ZNF385D: variants seen among roughly 807,000 people sequenced by gnomAD.
ZNF385D encodes the protein zinc finger protein 385D.
Under a neutral mutation model 35.8 loss-of-function variants are expected in ZNF385D, and 15 were observed. The observed-to-expected ratio is 0.42, with a 90% CI of 0.28 to 0.64. The LOEUF (loss-of-function observed/expected upper bound fraction) is 0.64. ZNF385D is among the 30% of genes least tolerant of loss of function. ZNF385D has a pLI of 0.23. For synonymous variants in ZNF385D, 212 were observed against 186.8 expected, an observed-to-expected ratio of 1.13 and a Z score of -1.10; for missense variants, 474 against 494.6, an observed-to-expected ratio of 0.96 and a Z score of 0.39.
In ZNF385D at chr3:22,109,642, G is replaced by T. The variant is rs961216121; in HGVS notation, c.325+59175C>A. Among the ~76,000 whole-genome samples the T allele has an allele frequency of 2.6e-5, 4 of 152,130 alleles. No individual in the cohort carries two copies. The South Asian group carries it at 6.2e-4, about 24-fold the overall frequency. On this transcript the variant is annotated intron_variant, in intron 3 of 5. Transcript: ENST00000494108. ...TGTGGGAGTCTAAGTCTCTTTCTAG[G>T]TCTCTAAGGACTTGCTTTATGAATC...
At chr3:21,440,659 G>A (rs531796323) in intron 4 of ZNF385D, among the ~76,000 whole-genome samples, 4 of 152,232 alleles carry the variant, frequency 2.6e-5, no homozygotes, top group Admixed American at 2.6e-4. Context: ...TTAACAATAA[G>A]AGAAGCTTGA....
Position 22,071,007 on chromosome 3 carries a change from T to A in ZNF385D, c.325+97810A>T, listed in dbSNP as rs145700589. Reference sequence around the variant, plus strand: ...CTGCCAAAATTGAAAGATTTTTACCTGTTCAGTTGCCAAATCTATGAAAAG... The same window carrying A: ...CTGCCAAAATTGAAAGATTTTTACCAGTTCAGTTGCCAAATCTATGAAAAG... On this transcript the variant is annotated intron_variant, in intron 3 of 5. Coordinates refer to the ZNF385D transcript ENST00000494108. Among the ~76,000 whole-genome samples the A allele has an allele frequency of 2.6e-5, 4 of 152,284 alleles. No individual in the cohort carries two copies. In the East Asian group the frequency reaches 7.7e-4, roughly 29 times the overall value.
intron 1 of ZNF385D, among the ~76,000 whole-genome samples, chr3:21,727,607 C>T (rs549905569): frequency 2.6e-5 from 4 of 152,092 alleles, no homozygotes; most frequent in African/African-American, 7.2e-5. Context: ...AAATCAAAAC[C>T]GCAATGAGAT....
chr3:22,084,030 G>A (rs1190835582), intron 3 of ZNF385D, among the ~76,000 whole-genome samples: 2 of 152,192 alleles, frequency 1.3e-5, no homozygotes, highest in South Asian at 2.1e-4. Flanking sequence ...ACAAGGAAAT[G>A]CTGAGAGATT....
intron 3 of ZNF385D, among the ~76,000 whole-genome samples, chr3:21,791,157 T>C (rs1413758586): frequency 1.3e-5 from 2 of 152,214 alleles, no homozygotes; most frequent in Admixed American, 6.5e-5. Flanking sequence ...ATAAGCTTTA[T>C]TGCATGTTTT....
intron 3 of ZNF385D, among the ~76,000 whole-genome samples, chr3:21,913,887 G>A (rs1408339771): frequency 2.0e-5 from 3 of 152,072 alleles, no homozygotes; most frequent in African/African-American, 4.8e-5. Flanking sequence ...ATTAGGCAAG[G>A]ATTTGTTGGT....
At chr3:22,010,935 A>G (rs1696532054) in intron 3 of ZNF385D, among the ~76,000 whole-genome samples, 1 of 152,146 alleles carries the variant, frequency 6.6e-6, no homozygotes, top group Non-Finnish European at 1.5e-5. Flanking sequence ...CATTGAAAAT[A>G]TCATCTACTC....
At chr3:22,333,533 TTC>T (rs1474475259) in intron 2 of ZNF385D, among the ~76,000 whole-genome samples, 2 of 152,164 alleles carry the variant, frequency 1.3e-5, no homozygotes, top group African/African-American at 4.8e-5. Context: ...TTCACTGAAC[TTC>T]TGTTGTCATC....
At chr3:21,439,332 A>C (rs1575146882) in intron 4 of ZNF385D, among the ~76,000 whole-genome samples, 1 of 148,682 alleles carries the variant, frequency 6.7e-6, no homozygotes, top group African/African-American at 2.5e-5. Flanking sequence ...TGGGAATGAT[A>C]CTCTTGGCCA....
chr3:21,884,533 T>G (rs1374290335), intron 3 of ZNF385D, among the ~76,000 whole-genome samples: 2 of 152,036 alleles, frequency 1.3e-5, no homozygotes, highest in African/African-American at 4.8e-5. Context: ...GTTCAGAAAT[T>G]GTATAAGCCA....
intron 3 of ZNF385D, among the ~76,000 whole-genome samples, chr3:21,871,133 G>T (rs899077244): frequency 6.6e-6 from 1 of 152,050 alleles, no homozygotes; most frequent in Non-Finnish European, 1.5e-5. Context: ...GCTTTATTCT[G>T]GCAGTATCGG....
chr3:21,836,987 A>G lies in ZNF385D; in HGVS notation c.326-171959T>C, dbSNP rs562211087. Among the ~76,000 whole-genome samples the G allele has an allele frequency of 1.6e-3, 248 of 152,206 alleles. 1 individual carries two copies. The highest frequency in any genetic ancestry group is 3.4e-3 in the Middle Eastern group (1 of 294). On this transcript the variant is annotated intron_variant, in intron 3 of 5. Transcript: ENST00000494108. ...ATATGAGAAATTTTTAAGGAGAAAC[A>G]TGAAACTTGTTTGAAATGCACTTTC... is the stretch of plus-strand genomic sequence containing the variant.
chr3:22,118,043 C>T (rs770261846), intron 3 of ZNF385D, among the ~76,000 whole-genome samples: 6 of 151,984 alleles, frequency 3.9e-5, no homozygotes, highest in Non-Finnish European at 7.4e-5. Flanking sequence ...TTGTAACAGA[C>T]GCACAATTAA....
chr3:21,966,961 A>C (rs1339100443), intron 3 of ZNF385D, among the ~76,000 whole-genome samples: 1 of 152,210 alleles, frequency 6.6e-6, no homozygotes, highest in Non-Finnish European at 1.5e-5. Context: ...ACGTGGATTT[A>C]TGAGTTTTGT....
At chr3:21,695,083 A>C (rs1176669016) in intron 1 of ZNF385D, among the ~76,000 whole-genome samples, 2 of 152,190 alleles carry the variant, frequency 1.3e-5, no homozygotes, top group African/African-American at 4.8e-5. Flanking sequence ...AGGTATGTGA[A>C]GTGCCTGAAA....
Position 22,254,546 on chromosome 3 carries a change from G to T in ZNF385D, c.107-85511C>A, listed in dbSNP as rs577930314. 2.4e-4 allele frequency among the ~76,000 whole-genome samples: 36 copies of T among 151,750 alleles called. No homozygotes were observed. In the South Asian group the frequency reaches 6.9e-3, roughly 29 times the overall value. On this transcript the variant is annotated intron_variant, in intron 2 of 5. Transcript: ENST00000494108. ...TGTATATTTCCTAAATACACAAATA[G>T]ATTTCATTTACAGTAGTACCCCCTT... is the stretch of plus-strand genomic sequence containing the variant.
At chr3:22,177,919 C>CT (rs994620648) in intron 2 of ZNF385D, among the ~76,000 whole-genome samples, 1 of 152,126 alleles carries the variant, frequency 6.6e-6, no homozygotes, top group Non-Finnish European at 1.5e-5. Context: ...TGAACTCATC[C>CT]TTTTTTATGG....
intron 3 of ZNF385D, among the ~76,000 whole-genome samples, chr3:22,036,449 G>A (rs750109206): frequency 6.6e-6 from 1 of 151,962 alleles, no homozygotes; most frequent in South Asian, 2.1e-4. Context: ...CAAGAAAACT[G>A]ACCTATCGAG....
chr3:22,347,961 G>C (rs974742482), intron 2 of ZNF385D, among the ~76,000 whole-genome samples: 1 of 152,088 alleles, frequency 6.6e-6, no homozygotes, highest in Admixed American at 6.5e-5. Context: ...TGTTTCACCT[G>C]AAATATGAAT....
Sources: gnomAD v4.1 joint callset for allele counts (sites outside exome capture counted in the v4.1 genomes callset) on GRCh38, gnomAD v4.1.1 for gene constraint, MANE v1.5 for transcripts, NCBI Gene and HGNC (gene_info 2026-07-23, HGNC 2026-07-21) for gene names.